Variants in ST7 observed in about 807,000 individuals in gnomAD.
ST7 encodes suppression of tumorigenicity 7.
Under a neutral mutation model 78.7 loss-of-function variants are expected in ST7, and 28 were observed. The observed-to-expected ratio is 0.36, with a 90% CI of 0.26 to 0.49. The LOEUF is 0.49. Ranked by LOEUF, ST7 falls within the 20% of genes least tolerant of loss-of-function variation. The pLI, the probability that ST7 is intolerant of heterozygous loss-of-function variation, is 0.99. For missense variants in ST7, 418 were observed against 696.0 expected, an observed-to-expected ratio of 0.60 and a Z score of 4.49; for synonymous variants, 247 against 249.6, an observed-to-expected ratio of 0.99 and a Z score of 0.10.
chr7:116,992,125 A>G (rs1012445617), intron 1 of ST7, among the ~76,000 whole-genome samples: 3 of 152,120 alleles, frequency 2.0e-5, no homozygotes, highest in Admixed American at 2.0e-4. Flanking sequence ...TGGCTGTTCC[A>G]GGTTCATGAT....
intron 1 of ST7, 65 bp downstream of exon 1, chr7:116,953,756 C>T (rs1378122705): frequency 5.9e-6 from 7 of 1,182,104 alleles, no homozygotes; most frequent in Non-Finnish European, 7.5e-6. Flanking sequence ...TAGTGCAACT[C>T]GCGCGGGGCC....
At chr7:117,147,531 A>G (rs1258025392) in intron 9 of ST7, among the ~76,000 whole-genome samples, 9 of 152,106 alleles carry the variant, frequency 5.9e-5, no homozygotes, top group Non-Finnish European at 1.3e-4. Context: ...TTATTTCATA[A>G]TTTAAAAATA....
chr7:117,161,952 ATTGTT>A (rs961947488), intron 9 of ST7, among the ~76,000 whole-genome samples: 127 of 152,086 alleles, frequency 8.4e-4, no homozygotes, highest in African/African-American at 3.0e-3. Flanking sequence ...TATATATTGT[ATTGTT>A]TTGTGTGCAT....
At chr7:117,006,745 G>C (rs1223523632) in intron 1 of ST7, among the ~76,000 whole-genome samples, 1 of 152,122 alleles carries the variant, frequency 6.6e-6, no homozygotes, top group African/African-American at 2.4e-5. Flanking sequence ...CATCTGTCGT[G>C]CCATTTTTCC....
intron 1 of ST7, among the ~76,000 whole-genome samples, chr7:117,066,131 T>C (rs937712693): frequency 2.0e-5 from 3 of 152,234 alleles, no homozygotes; most frequent in African/African-American, 7.2e-5. Flanking sequence ...TCTCCTGACA[T>C]TTATAATTTG....
intron 2 of ST7, among the ~76,000 whole-genome samples, chr7:117,103,673 A>G (rs1048393581): frequency 6.6e-6 from 1 of 152,258 alleles, no homozygotes; most frequent in African/African-American, 2.4e-5. Flanking sequence ...GAAATGCTCC[A>G]GAACATTAGT....
chr7:117,051,112 T>C (rs1032812168), intron 1 of ST7, among the ~76,000 whole-genome samples: 1 of 152,176 alleles, frequency 6.6e-6, no homozygotes, highest in Non-Finnish European at 1.5e-5. Context: ...TACCACAAAT[T>C]ACAAATGAAA....
intron 1 of ST7, among the ~76,000 whole-genome samples, chr7:117,070,294 T>G (rs1798859503): frequency 6.6e-6 from 1 of 152,216 alleles, no homozygotes; most frequent in Non-Finnish European, 1.5e-5. Context: ...TACAGTTTAT[T>G]AACATCTTCA....
intron 1 of ST7, chr7:117,098,750 C>T (rs1261470142): frequency 7.7e-7 from 1 of 1,294,816 alleles, no homozygotes; most frequent in Non-Finnish European, 1.0e-6. Context: ...TAAAACCAGA[C>T]TGGATGTGAT....
chr7:116,979,613 CCTTAATCTCT>C (rs1793855680), intron 1 of ST7, among the ~76,000 whole-genome samples: 1 of 152,088 alleles, frequency 6.6e-6, no homozygotes, highest in South Asian at 2.1e-4. Flanking sequence ...CTTTGTATTG[CCTTAATCTCT>C]CTTTGCTTCC....
intron 2 of ST7, among the ~76,000 whole-genome samples, chr7:117,110,830 G>A (rs1039192759): frequency 3.3e-5 from 5 of 152,248 alleles, no homozygotes; most frequent in Non-Finnish European, 1.5e-5. Flanking sequence ...GGCTGCCTTT[G>A]CAGATCTGGG....
intron 2 of ST7, among the ~76,000 whole-genome samples, chr7:117,118,724 A>G (rs1334375387): frequency 6.6e-6 from 1 of 152,208 alleles, no homozygotes; most frequent in Non-Finnish European, 1.5e-5. Flanking sequence ...CGCTTTGAGC[A>G]GTGGTAGGAA....
intron 9 of ST7, among the ~76,000 whole-genome samples, chr7:117,154,415 C>G (rs1806527458): frequency 6.6e-6 from 1 of 152,174 alleles, no homozygotes; most frequent in African/African-American, 2.4e-5. Flanking sequence ...ACTGAGCAGA[C>G]TAAGACAAAG....
intron 1 of ST7, among the ~76,000 whole-genome samples, chr7:116,978,323 T>C (rs952401065): frequency 6.6e-6 from 1 of 152,204 alleles, no homozygotes; most frequent in African/African-American, 2.4e-5. Context: ...GGCACCAGCT[T>C]CCACAGGATT....
intron 2 of ST7, among the ~76,000 whole-genome samples, chr7:117,105,153 G>T (rs1317507247): frequency 6.6e-6 from 1 of 152,182 alleles, no homozygotes; most frequent in Non-Finnish European, 1.5e-5. Context: ...GAAAAAGAAT[G>T]TTCTGTTATT....
chr7:117,093,723 A>C (rs953384150), intron 1 of ST7, among the ~76,000 whole-genome samples: 36 of 152,274 alleles, frequency 2.4e-4, no homozygotes, highest in Admixed American at 1.1e-3. Flanking sequence ...ACAACAACAA[A>C]AAAAATCAAA....
intron 1 of ST7, among the ~76,000 whole-genome samples, chr7:117,010,769 G>A (rs1795352528): frequency 6.6e-6 from 1 of 152,138 alleles, no homozygotes; most frequent in Non-Finnish European, 1.5e-5. Flanking sequence ...GTATAATTTG[G>A]AAATGCGATG....
intron 1 of ST7, among the ~76,000 whole-genome samples, chr7:116,960,429 T>C (rs1792766568): frequency 6.6e-6 from 1 of 152,176 alleles, no homozygotes; most frequent in Admixed American, 6.5e-5. Flanking sequence ...CCTCTAGTGA[T>C]CTGTCCCCCT....
intron 10 of ST7, 27 bp downstream of exon 10, chr7:117,171,003 T>A (rs1436999884): frequency 6.9e-7 from 1 of 1,447,790 alleles, no homozygotes; most frequent in Non-Finnish European, 9.6e-7. Context: ...TTTTATTTAC[T>A]TGACTATTCC....
Sources: allele counts gnomAD v4.1 joint callset (sites outside exome capture counted in the v4.1 genomes callset), GRCh38; gene constraint gnomAD v4.1.1; transcripts MANE v1.5; gene names NCBI Gene and HGNC (gene_info 2026-07-23, HGNC 2026-07-21).